CUX2: variants seen among roughly 807,000 people sequenced by gnomAD.
CUX2 encodes cut like homeobox 2, also known as homeobox protein cut-like 2.
In CUX2, 40 loss-of-function variants were observed where a neutral mutation model predicts 144.8. The ratio of observed to expected loss-of-function variants is 0.28; its 90% CI spans 0.21 to 0.36. The LOEUF (loss-of-function observed/expected upper bound fraction) is 0.36. Among genes scored for constraint, CUX2 ranks in the 10% least tolerant of loss-of-function variants. The pLI is 1.00. For synonymous variants in CUX2, 827 were observed against 875.6 expected (o/e 0.94, Z 0.98); for missense variants, 1,615 against 1,994.0 (o/e 0.81, Z 3.62).
At chr12:111,286,887 A>G (rs898491527) in intron 4 of CUX2, among the ~76,000 whole-genome samples, 2 of 152,262 alleles carry the variant, frequency 1.3e-5, no homozygotes, top group African/African-American at 4.8e-5. Context: ...AACAATAATA[A>G]TAATTCCTGG....
intron 1 of CUX2, among the ~76,000 whole-genome samples, chr12:111,165,963 C>T (rs1373710176): frequency 6.6e-6 from 1 of 152,200 alleles, no homozygotes; most frequent in African/African-American, 2.4e-5. Context: ...TCTAATATTA[C>T]TAATATGAAA....
Position 111,296,552 on chromosome 12 carries a change from T to G in CUX2, c.704+13T>G, listed in dbSNP as rs771365689. 1 of 1,607,194 alleles carries G rather than the reference T, an allele frequency of 6.2e-7. No homozygotes were observed. On this transcript the variant is annotated intron_variant, in intron 8 of 21. Transcript: ENST00000261726. ...AGGCAGCATCCAAGTAAGTGAGCCC[T>G]GCTGAGGTGTACCTCCTCCCTTGGA...
Position 111,250,748 on chromosome 12 carries a change from G to C in CUX2, c.223-13013G>C, listed in dbSNP as rs1883522905. 1.3e-5 allele frequency among the ~76,000 whole-genome samples: 2 copies of C among 152,320 alleles called. 1 individual carries two copies. The highest frequency in any genetic ancestry group is 4.8e-5 in the African/African-American group (2 of 41,564). On this transcript the variant is annotated intron_variant, in intron 3 of 21. Transcript: ENST00000261726. ...AGAGCCGGAGCACCCACTCTAGGTT[G>C]TTCCTGCGTGCATGACCTGCCAGCC...
chr12:111,120,057 CA>C (rs559305532), intron 1 of CUX2, among the ~76,000 whole-genome samples: 70 of 148,864 alleles, frequency 4.7e-4, no homozygotes, highest in Non-Finnish European at 8.1e-4. Context: ...GACTCCATCT[CA>C]AAAAAAAAAA....
intron 19 of CUX2, among the ~76,000 whole-genome samples, chr12:111,336,965 A>G (rs932897024): frequency 6.6e-6 from 1 of 151,880 alleles, no homozygotes; most frequent in Non-Finnish European, 1.5e-5. Flanking sequence ...GTTGGAGGGC[A>G]TGAGTTCCAG....
At chr12:111,163,512 C>G (rs1417158966) in intron 1 of CUX2, among the ~76,000 whole-genome samples, 1 of 152,148 alleles carries the variant, frequency 6.6e-6, no homozygotes, top group Non-Finnish European at 1.5e-5. Context: ...AGCCATTGTC[C>G]CTCCATTCCT....
rs527745042 is a variant in CUX2, at chr12:111,074,229, G to A, written c.63+39989G>A. Among the ~76,000 whole-genome samples, 8 of 151,966 alleles carry A rather than the reference G, an allele frequency of 5.3e-5. No individual in the cohort carries two copies. In the East Asian group the frequency reaches 9.7e-4, roughly 18 times the overall value. On this transcript the variant is annotated intron_variant, in intron 1 of 21. Transcript: ENST00000261726. Reference sequence around the variant, plus strand: ...TGCATACAAACCATGTTTCCCAGTCGAGGCTTCTCATTTGAATCACCTGGG... The same window carrying A: ...TGCATACAAACCATGTTTCCCAGTCAAGGCTTCTCATTTGAATCACCTGGG...
chr12:111,124,288 T>C (rs1251311954), intron 1 of CUX2, among the ~76,000 whole-genome samples: 1 of 152,218 alleles, frequency 6.6e-6, no homozygotes, highest in African/African-American at 2.4e-5. Context: ...GACCCAAAGA[T>C]ACAGGGAAAA....
intron 1 of CUX2, among the ~76,000 whole-genome samples, chr12:111,204,168 C>G (rs1880776850): frequency 6.6e-6 from 1 of 152,234 alleles, no homozygotes; most frequent in South Asian, 2.1e-4. Flanking sequence ...TCTGCCTAAG[C>G]TCACAGAGCT....
chr12:111,084,955 C>T (rs888886505), intron 1 of CUX2, among the ~76,000 whole-genome samples: 9 of 152,186 alleles, frequency 5.9e-5, no homozygotes, highest in African/African-American at 2.2e-4. Flanking sequence ...TGGACCTTCT[C>T]ATCATTCTTT....
intron 1 of CUX2, among the ~76,000 whole-genome samples, chr12:111,092,018 C>A (rs765948422): frequency 3.9e-5 from 6 of 152,236 alleles, no homozygotes; most frequent in Non-Finnish European, 7.3e-5. Flanking sequence ...CTGCACCCAG[C>A]CAAGCTCTAA....
rs1323049449 is a variant in CUX2 at position 111,348,450 on chromosome 12, G to A, written c.*125G>A. 13 of 934,582 alleles carry A rather than the reference G, an allele frequency of 1.4e-5. No individual in the cohort carries two copies. In the East Asian group the frequency reaches 2.1e-4, roughly 15 times the overall value. The allele number at this position is 934,582 out of a possible 1,614,324, so 57.9% of individuals were successfully genotyped here. ...ATCAAAATGTGGACAGCAATGTTAT[G>A]CCGTTTACGTTTTTTGTTGTAATCC... On this transcript the variant is annotated 3_prime_UTR_variant, in exon 22 of 22. Transcript: ENST00000261726.
rs145233209 is a variant in CUX2, at chr12:111,077,283, C to G, written c.63+43043C>G. ...AGTTGAAAGAGGCCTTTCCTTGAAA[C>G]GCGCAGCCGTGTGGCAGGGCCCGGG... On this transcript the variant is annotated intron_variant, in intron 1 of 21. Transcript: ENST00000261726. This position sits in a 1 kb window ranked among gnomAD's most constrained non-coding sequence, Gnocchi z 4.1. Among the ~76,000 whole-genome samples, 13 of 152,198 alleles carry G rather than the reference C, an allele frequency of 8.5e-5. No homozygotes were observed. The highest frequency in any genetic ancestry group is 6.5e-4 in the Admixed American group (10 of 15,280).
chr12:111,150,245 A>T lies in CUX2; in HGVS notation c.64-63955A>T, dbSNP rs915321461. On this transcript the variant is annotated intron_variant, in intron 1 of 21. Transcript: ENST00000261726. ...TCTTTGTGTTTTTCTCCATCATTTG[A>T]ATGTTTTAGAATGAGCATATATTAA... Among the ~76,000 whole-genome samples, 9 of 152,198 alleles carry T rather than the reference A, an allele frequency of 5.9e-5. No individual in the cohort carries two copies. In the East Asian group the frequency reaches 1.5e-3, roughly 26 times the overall value.
chr12:111,259,689 C>A (rs981060326), intron 3 of CUX2, among the ~76,000 whole-genome samples: 3 of 151,512 alleles, frequency 2.0e-5, no homozygotes, highest in Admixed American at 1.3e-4. Flanking sequence ...TATGTTGAAA[C>A]CCCGTCTCTA....
chr12:111,161,719 C>T (rs1438517258), intron 1 of CUX2, among the ~76,000 whole-genome samples: 3 of 152,058 alleles, frequency 2.0e-5, no homozygotes, highest in Non-Finnish European at 4.4e-5. Flanking sequence ...CTGAGTGTCG[C>T]TGGATGCCAT....
At chr12:111,052,062 A>G (rs1870294464) in intron 1 of CUX2, among the ~76,000 whole-genome samples, 1 of 151,980 alleles carries the variant, frequency 6.6e-6, no homozygotes, top group Non-Finnish European at 1.5e-5. Flanking sequence ...CACATTCCCT[A>G]TGCTCGCCAT....
At chr12:111,211,268 C>G (rs1009297046) in intron 1 of CUX2, among the ~76,000 whole-genome samples, 21 of 152,140 alleles carry the variant, frequency 1.4e-4, no homozygotes, top group African/African-American at 5.1e-4. Flanking sequence ...AGGAAAGACA[C>G]CAAGGGCTGG....
chr12:111,314,428 G>T (rs1887066559), intron 16 of CUX2, among the ~76,000 whole-genome samples: 1 of 152,062 alleles, frequency 6.6e-6, no homozygotes, highest in African/African-American at 2.4e-5. Context: ...ATCACCTGAG[G>T]TCAGGAGTTT....
Sources: allele counts gnomAD v4.1 joint callset (sites outside exome capture counted in the v4.1 genomes callset), GRCh38; gene constraint gnomAD v4.1.1; non-coding constraint Gnocchi (gnomAD v3.1); transcripts MANE v1.5; gene names NCBI Gene and HGNC (gene_info 2026-07-23, HGNC 2026-07-21).